Variants in RCOR3 observed in about 807,000 individuals in gnomAD.
RCOR3 encodes the protein REST corepressor 3.
Under a neutral mutation model 64.1 loss-of-function variants are expected in RCOR3, and 13 were observed. The observed-to-expected ratio is 0.20, with a 90% CI of 0.13 to 0.32. RCOR3 has a LOEUF of 0.32. RCOR3 is among the 10% of genes least tolerant of loss of function. The pLI is 1.00. For synonymous variants in RCOR3, 215 were observed against 239.0 expected (o/e 0.90, Z 0.93); for missense variants, 489 against 701.2 (o/e 0.70, Z 3.42).
intron 8 of RCOR3, 74 bp from the exon 9 acceptor site, chr1:211,295,593 ATATATTCTT>A: frequency 8.8e-7 from 1 of 1,133,050 alleles, no homozygotes; most frequent in Non-Finnish European, 1.3e-6. Context: ...GGGGTTTGGA[ATATATTCTT>A]TTCACTTAAT....
intron 9 of RCOR3, among the ~76,000 whole-genome samples, chr1:211,299,997 C>G (rs147353428): frequency 3.0e-4 from 45 of 151,728 alleles, no homozygotes; most frequent in South Asian, 1.0e-3. Context: ...CCCTCTTCTG[C>G]TTCCACTTGT....
intron 8 of RCOR3, among the ~76,000 whole-genome samples, chr1:211,291,136 G>T (rs143397487): frequency 6.6e-6 from 1 of 152,242 alleles, no homozygotes; most frequent in Non-Finnish European, 1.5e-5. Context: ...TTGAGAAACA[G>T]ACTATATTCA....
At chr1:211,263,075 G>A (rs1397787981) in intron 2 of RCOR3, among the ~76,000 whole-genome samples, 18 of 130,140 alleles carry the variant, frequency 1.4e-4, no homozygotes, top group African/African-American at 4.7e-4. Context: ...TCCTGTGTCC[G>A]TGTGTTCTCA....
At chr1:211,305,298 G>A (rs1700750028) in intron 10 of RCOR3, among the ~76,000 whole-genome samples, 1 of 152,092 alleles carries the variant, frequency 6.6e-6, no homozygotes, top group African/African-American at 2.4e-5. Context: ...ATGTGCATTG[G>A]GCACATCTGT....
chr1:211,259,498 C>T lies in RCOR3; in HGVS notation c.-63C>T. ...TTTCCCTCCCGCCCGCGCTCTAAGC[C>T]ATCTCCGCCTTCACCCTGACGCCTG... On this transcript the variant is annotated 5_prime_UTR_variant, in exon 1 of 12. Coordinates refer to ENST00000419091, the MANE Select transcript of RCOR3 (RefSeq NM_001136223.3). 6.6e-7 allele frequency: 1 copy of T among 1,504,680 alleles called. No homozygotes were observed. The highest frequency in any genetic ancestry group is 8.9e-7 in the Non-Finnish European group (1 of 1,119,724). 93.2% of individuals were successfully genotyped at this position (1,504,680 alleles called of 1,614,324 possible). A position where few individuals can be genotyped will look rare whatever the true frequency, so the allele number is the denominator to read the frequency against.
intron 1 of RCOR3, 189 bp downstream of exon 1, chr1:211,259,915 T>G: frequency 7.0e-6 from 4 of 567,926 alleles, no homozygotes; most frequent in Non-Finnish European, 9.9e-6. Context: ...CGACCAATCC[T>G]CCGCCTTTGC....
chr1:211,259,657 G>T lies in RCOR3; in HGVS notation c.97G>T (p.Ala33Ser). Residue 33 changes from alanine to serine, a missense_variant, in exon 1 of 12, where the codon GCC (alanine) becomes TCC (serine). By Grantham distance (99) the Ala-to-Ser change is moderately conservative. Transcript: ENST00000419091. ...CCCGGCAGGCGGCGGCGGCAGCGGC[G>T]CCTCGTCCACCAACGGCGGGCTGCA... is the stretch of plus-strand genomic sequence containing the variant. Reference protein sequence around the residue: ...KSPAGGGGSGASSTNGGLHYS... With the variant: ...KSPAGGGGSGSSSTNGGLHYS... 1 of 1,546,794 alleles carries T rather than the reference G, an allele frequency of 6.5e-7. No individual in the cohort carries two copies. The highest frequency in any genetic ancestry group is 8.7e-7 in the Non-Finnish European group (1 of 1,145,244).
chr1:211,314,420 A>G lies in RCOR3; in HGVS notation c.*652A>G, dbSNP rs1412370067. On this transcript the variant is annotated 3_prime_UTR_variant, in exon 12 of 12. Transcript: ENST00000419091. ...AAGCAATTATATAAAACCACAAAGA[A>G]TGTACTGAACCTACTAACCCTTTAA... 1 of 152,272 alleles carries G rather than the reference A, an allele frequency of 6.6e-6. No individual in the cohort carries two copies. Among genetic ancestry groups the G allele is most frequent in the Non-Finnish European group, 1.5e-5 (1 of 68,088 alleles). The allele number at this position is 152,272 out of a possible 1,614,324, so 9.4% of individuals were successfully genotyped here. A position where few individuals can be genotyped will look rare whatever the true frequency, so the allele number is the denominator to read the frequency against.
chr1:211,289,532 T>G (rs1356298916), intron 8 of RCOR3, 136 bp downstream of exon 8: 1 of 680,102 alleles, frequency 1.5e-6, no homozygotes, highest in East Asian at 2.7e-5. Flanking sequence ...TTTTAAAGTT[T>G]ATCTTAAGTC....
At chr1:211,262,030 A>G (rs1381932807) in intron 2 of RCOR3, among the ~76,000 whole-genome samples, 2 of 70,654 alleles carry the variant, frequency 2.8e-5, no homozygotes, top group Non-Finnish European at 5.8e-5. Flanking sequence ...CTAGCTATAA[A>G]AACTTTTTTT....
At chr1:211,289,927 T>C (rs1214056420) in intron 8 of RCOR3, among the ~76,000 whole-genome samples, 3 of 152,232 alleles carry the variant, frequency 2.0e-5, no homozygotes, top group Admixed American at 6.5e-5. Context: ...TGTGTAACCT[T>C]AGAGGAGCTC....
intron 9 of RCOR3, chr1:211,301,835 T>C: frequency 6.6e-6 from 1 of 152,228 alleles, no homozygotes; most frequent in Non-Finnish European, 1.5e-5. Context: ...AATGCATGTT[T>C]TCTTTCATTT....
In RCOR3 at chr1:211,283,130, T is replaced by C. The variant is rs1050835751; in HGVS notation, c.720+3814T>C. ...GGACACTGCTGATATGAACATGTTC[T>C]GGATACACATGTCTGAGAGTTCCTT... On this transcript the variant is annotated intron_variant, in intron 7 of 11. Coordinates refer to ENST00000419091, the MANE Select transcript of RCOR3 (RefSeq NM_001136223.3). Among the ~76,000 whole-genome samples the C allele has an allele frequency of 2.6e-5, 4 of 152,258 alleles. No individual in the cohort carries two copies. The East Asian group carries it at 7.7e-4, about 29-fold the overall frequency.
intron 9 of RCOR3, among the ~76,000 whole-genome samples, chr1:211,300,337 T>A (rs1700252578): frequency 6.6e-6 from 1 of 152,160 alleles, no homozygotes. Flanking sequence ...CCCAAAGTGC[T>A]AGGATTACAG....
At position 211,313,408 on chromosome 1, in the gene RCOR3, G is replaced by A. The variant is rs746539835; in HGVS notation, c.1318-16G>A. ...ACTTACATCTCATACGTGTATTTTTGTTTCCTCACCTCTAGGCACAGACCC... is the reference window on the plus strand; with the variant it reads ...ACTTACATCTCATACGTGTATTTTTATTTCCTCACCTCTAGGCACAGACCC... On this transcript the variant is annotated splice_polypyrimidine_tract_variant and intron_variant, in intron 11 of 11. Transcript: ENST00000419091. The surrounding 1 kb of genome is among the most constrained non-coding windows in gnomAD (Gnocchi z 4.7). The A allele has an allele frequency of 1.9e-6, 3 of 1,598,602 alleles. No homozygotes were observed. In the South Asian group the frequency reaches 3.4e-5, roughly 18 times the overall value.
chr1:211,313,290 TC>T lies in RCOR3; in HGVS notation c.1318-132del. The T allele has an allele frequency of 6.9e-7, 1 of 1,440,930 alleles. No individual in the cohort carries two copies. Among genetic ancestry groups the T allele is most frequent in the Non-Finnish European group, 9.1e-7 (1 of 1,101,898 alleles). 89.3% of individuals were successfully genotyped at this position (1,440,930 alleles called of 1,614,324 possible). On this transcript the variant is annotated intron_variant, in intron 11 of 11. Transcript: ENST00000419091. This position sits in a 1 kb window ranked among gnomAD's most constrained non-coding sequence, Gnocchi z 4.7. ...GTTTAAAATAAAAGAAGCTTGTGCT[TC>T]CAATAAACACTGGTGTTATGTTTTT...
chr1:211,274,806 T>C (rs2102489574), intron 4 of RCOR3, among the ~76,000 whole-genome samples: 1 of 151,986 alleles, frequency 6.6e-6, no homozygotes, highest in South Asian at 2.1e-4. Context: ...TATGTCTGTA[T>C]GTAGAGTTAA....
intron 9 of RCOR3, among the ~76,000 whole-genome samples, chr1:211,301,161 T>C (rs188544540): frequency 1.5e-4 from 23 of 152,324 alleles, no homozygotes; most frequent in Admixed American, 1.5e-3. Context: ...CCATTGTTTT[T>C]TCTTATAAAA....
Position 211,313,538 on chromosome 1 carries a change from C to T in RCOR3, c.1432C>T (p.Pro478Ser). ...GAACCAGCCTCCACCACTTCTTCGT[C>T]CAACACTGCCTGCTGCCCCGGCTCT... ...TLNQPPPLLRPTLPAAPALHR... is the reference protein window; with the variant it reads ...TLNQPPPLLRSTLPAAPALHR... Residue 478 changes from proline to serine, a missense_variant, in exon 12 of 12, where the codon CCA becomes TCA. By Grantham distance (74) the Pro-to-Ser change is moderately conservative. Coordinates refer to ENST00000419091, the MANE Select transcript of RCOR3 (RefSeq NM_001136223.3). This position sits in a 1 kb window ranked among gnomAD's most constrained non-coding sequence, Gnocchi z 4.7. 1 of 1,614,184 alleles carries T rather than the reference C, an allele frequency of 6.2e-7. No individual in the cohort carries two copies. The highest frequency in any genetic ancestry group is 8.5e-7 in the Non-Finnish European group (1 of 1,180,032).
Sources: allele counts gnomAD v4.1 joint callset (sites outside exome capture counted in the v4.1 genomes callset), GRCh38; gene constraint gnomAD v4.1.1; non-coding constraint Gnocchi (gnomAD v3.1); transcripts MANE v1.5; gene names NCBI Gene and HGNC (gene_info 2026-07-23, HGNC 2026-07-21).